The following MTHFD2L variants were observed in gnomAD, a reference collection of about 807,000 sequenced individuals.
The protein encoded by MTHFD2L is methylenetetrahydrofolate dehydrogenase (NADP+ dependent) 2 like.
In MTHFD2L, 29 loss-of-function variants were observed where a neutral mutation model predicts 34.9. The ratio of observed to expected loss-of-function variants is 0.83; its 90% CI spans 0.62 to 1.13. The LOEUF (loss-of-function observed/expected upper bound fraction) is 1.13, where lower values mean the gene tolerates loss of function less well. MTHFD2L is among the 50% of genes most tolerant of loss of function. MTHFD2L has a pLI of 0.00. For missense variants in MTHFD2L, 481 were observed against 446.5 expected (o/e 1.08, Z -0.70); for synonymous variants, 167 against 155.7 (o/e 1.07, Z -0.54).
chr4:74,256,984 A>C (rs1030384964), intron 6 of MTHFD2L, among the ~76,000 whole-genome samples: 4 of 151,922 alleles, frequency 2.6e-5, no homozygotes, highest in Non-Finnish European at 4.4e-5. Context: ...TTTTTTTTCT[A>C]ATTATGTGAA....
intron 3 of MTHFD2L, among the ~76,000 whole-genome samples, chr4:74,182,099 A>T (rs1300252745): frequency 6.6e-6 from 1 of 152,012 alleles, no homozygotes; most frequent in South Asian, 2.1e-4. Context: ...CTAAATTTTA[A>T]TTTTACTTTG....
chr4:74,212,254 G>A (rs897980044), intron 5 of MTHFD2L, among the ~76,000 whole-genome samples: 1 of 151,652 alleles, frequency 6.6e-6, no homozygotes, highest in African/African-American at 2.4e-5. Context: ...TTTGTTTATT[G>A]TTGCTTCTCT....
At chr4:74,215,972 A>G (rs554595985) in intron 5 of MTHFD2L, among the ~76,000 whole-genome samples, 1 of 151,926 alleles carries the variant, frequency 6.6e-6, no homozygotes, top group South Asian at 2.1e-4. Flanking sequence ...TAGCAGGAAA[A>G]AAAAAAATGA....
chr4:74,185,891 C>T (rs1005541944), intron 3 of MTHFD2L, among the ~76,000 whole-genome samples: 1 of 152,088 alleles, frequency 6.6e-6, no homozygotes, highest in African/African-American at 2.4e-5. Flanking sequence ...TTGAAGCCAG[C>T]ATTACTCTGT....
At chr4:74,184,726 G>T (rs1029067306) in intron 3 of MTHFD2L, among the ~76,000 whole-genome samples, 1 of 152,068 alleles carries the variant, frequency 6.6e-6, no homozygotes. Flanking sequence ...CTTTCTTCAA[G>T]TTAATGTAGA....
At chr4:74,203,818 C>A (rs571892237) in intron 5 of MTHFD2L, among the ~76,000 whole-genome samples, 1 of 151,880 alleles carries the variant, frequency 6.6e-6, no homozygotes, top group Non-Finnish European at 1.5e-5. Flanking sequence ...CCAGCCATAT[C>A]ACAAGATAAA....
At chr4:74,258,592 A>G (rs1744314002) in intron 6 of MTHFD2L, among the ~76,000 whole-genome samples, 1 of 152,164 alleles carries the variant, frequency 6.6e-6, no homozygotes, top group African/African-American at 2.4e-5. Flanking sequence ...GGATTTTGGT[A>G]TATGTAGGGA....
intron 5 of MTHFD2L, among the ~76,000 whole-genome samples, chr4:74,203,411 G>T (rs79538177): frequency 0.024 from 3,617 of 152,240 alleles, 159 homozygotes; most frequent in African/African-American, 0.082. Flanking sequence ...TAAGCAAGGT[G>T]TATTAGTCTG....
intron 6 of MTHFD2L, among the ~76,000 whole-genome samples, chr4:74,246,512 T>C (rs1293046667): frequency 6.6e-6 from 1 of 152,170 alleles, no homozygotes; most frequent in Non-Finnish European, 1.5e-5. Flanking sequence ...TTTAGCTTTT[T>C]TTGCCAATGC....
chr4:74,171,651 A>C (rs1216184144), intron 1 of MTHFD2L, among the ~76,000 whole-genome samples: 1 of 152,004 alleles, frequency 6.6e-6, no homozygotes, highest in Admixed American at 6.6e-5. Context: ...AAATATACAA[A>C]AATTAGTCAG....
intron 7 of MTHFD2L, among the ~76,000 whole-genome samples, chr4:74,296,536 G>A (rs779867110): frequency 1.8e-4 from 28 of 152,040 alleles, no homozygotes; most frequent in Admixed American, 1.4e-3. Context: ...TGTGAAAACC[G>A]TTTGCACATT....
At chr4:74,262,099 A>T (rs1450915522) in intron 6 of MTHFD2L, among the ~76,000 whole-genome samples, 1 of 151,960 alleles carries the variant, frequency 6.6e-6, no homozygotes, top group South Asian at 2.1e-4. Context: ...CGTATGTGTG[A>T]ATCTATGTAA....
chr4:74,163,591 G>A (rs1412584998), intron 1 of MTHFD2L, among the ~76,000 whole-genome samples: 1 of 152,164 alleles, frequency 6.6e-6, no homozygotes, highest in Non-Finnish European at 1.5e-5. Flanking sequence ...TGTGAATAGG[G>A]TACTTGGGGT....
intron 6 of MTHFD2L, among the ~76,000 whole-genome samples, chr4:74,236,377 TGAAA>T (rs1209972774): frequency 1.3e-5 from 2 of 152,224 alleles, no homozygotes; most frequent in African/African-American, 2.4e-5. Context: ...AAATTTTGCT[TGAAA>T]CATCTATTGA....
intron 6 of MTHFD2L, among the ~76,000 whole-genome samples, chr4:74,280,891 GA>G (rs796407070): frequency 2.6e-4 from 39 of 152,216 alleles, no homozygotes; most frequent in African/African-American, 7.0e-4. Flanking sequence ...GAGTTGATGA[GA>G]TGCCATTATG....
intron 6 of MTHFD2L, among the ~76,000 whole-genome samples, chr4:74,238,538 A>G (rs1741184993): frequency 6.6e-6 from 1 of 152,232 alleles, no homozygotes; most frequent in Non-Finnish European, 1.5e-5. Context: ...AGACACTGTC[A>G]TCAGAATGAA....
intron 2 of MTHFD2L, among the ~76,000 whole-genome samples, chr4:74,174,967 A>G (rs1282919688): frequency 2.6e-5 from 4 of 152,164 alleles, no homozygotes; most frequent in Non-Finnish European, 5.9e-5. Flanking sequence ...GCTTTAATCA[A>G]ATAATAAACC....
intron 6 of MTHFD2L, among the ~76,000 whole-genome samples, chr4:74,236,888 A>T (rs1021110324): frequency 1.3e-5 from 2 of 152,134 alleles, no homozygotes; most frequent in African/African-American, 4.8e-5. Context: ...CTTTCAGTGG[A>T]TTTATCTCTT....
chr4:74,220,702 G>T, intron 5 of MTHFD2L, among the ~76,000 whole-genome samples: 1 of 151,312 alleles, frequency 6.6e-6, no homozygotes, highest in Admixed American at 6.6e-5. Flanking sequence ...TATTATAATG[G>T]GGCCTCTTCT....
Sources: gnomAD v4.1 joint callset for allele counts (sites outside exome capture counted in the v4.1 genomes callset) on GRCh38, gnomAD v4.1.1 for gene constraint, MANE v1.5 for transcripts, NCBI Gene and HGNC (gene_info 2026-07-23, HGNC 2026-07-21) for gene names.